The following EOGT variants were observed in gnomAD, a reference collection of about 807,000 sequenced individuals.
EOGT encodes the protein EGF domain specific O-linked N-acetylglucosamine transferase.
Under a neutral mutation model 70.5 loss-of-function variants are expected in EOGT, and 55 were observed. The observed-to-expected ratio is 0.78, with a 90% CI of 0.63 to 0.98. EOGT has a LOEUF of 0.98. EOGT is among the 50% of genes least tolerant of loss of function. The pLI, the probability that EOGT is intolerant of heterozygous loss-of-function variation, is 0.00. For missense variants in EOGT, 703 were observed against 641.9 expected (o/e 1.10, Z -1.03); for synonymous variants, 246 against 217.1 (o/e 1.13, Z -1.17).
chr3:69,006,682 G>GGAAA (rs1363617279), intron 6 of EOGT, among the ~76,000 whole-genome samples: 1 of 152,206 alleles, frequency 6.6e-6, no homozygotes, highest in African/African-American at 2.4e-5. Context: ...GAAAGCCTAA[G>GGAAA]TACCTTGTCT....
chr3:68,980,344 C>T (rs1246629438), intron 15 of EOGT, among the ~76,000 whole-genome samples: 2 of 152,176 alleles, frequency 1.3e-5, no homozygotes, highest in African/African-American at 4.8e-5. Flanking sequence ...CCAAAATGAT[C>T]TCAGATACCA....
chr3:68,984,498 A>G (rs17048257), intron 14 of EOGT, among the ~76,000 whole-genome samples: 1,797 of 152,224 alleles, frequency 0.012, 32 homozygotes, highest in East Asian at 0.053. Flanking sequence ...TTCAAACCCT[A>G]AAGTTGGGCA....
chr3:69,007,743 C>G lies in EOGT; in HGVS notation c.390G>C (p.Glu130Asp). The change falls in exon 6 of 18, where the codon GAG (glutamate) becomes GAC (aspartate). Residue 130 changes from glutamate (E) to aspartate (D), a missense_variant. Physicochemically the swap from Glu to Asp is conservative, Grantham distance 45 (BLOSUM62 2). Transcript: ENST00000383701. The stretch of plus-strand genomic sequence containing the variant: ...CCTTAGGCTGACAGAGCACATGCAT[C>G]TCCTCCAGCCTCTCTCTGGCATATC... ...DFGYARERLE[E>D]MHVLCQPKET... 6.2e-7 allele frequency: 1 copy of G among 1,612,602 alleles called. No homozygotes were observed. The highest frequency in any genetic ancestry group is 2.2e-5 in the East Asian group (1 of 44,720).
At chr3:69,005,936 G>T (rs1315814722) in intron 6 of EOGT, among the ~76,000 whole-genome samples, 1 of 152,168 alleles carries the variant, frequency 6.6e-6, no homozygotes, top group Non-Finnish European at 1.5e-5. Flanking sequence ...GACCTGCATG[G>T]TGTTTTGGAG....
Position 68,977,761 on chromosome 3 carries a change from G to A in EOGT, c.1441C>T (p.His481Tyr), listed in dbSNP as rs759007611. The change falls in exon 18 of 18, where the codon CAC becomes TAC. Residue 481 changes from histidine to tyrosine, a missense_variant. Coordinates refer to ENST00000383701, the MANE Select transcript of EOGT (RefSeq NM_001278689.2). ...GGGTGCTCCCCCAGGGTTGGATGGT[G>A]GCCCTGTGAAAATAAACCAAAACAC... ...QNKVFPQDKG[H>Y]HPTLGEHPKF... is the part of the protein sequence containing the mutation. The A allele has an allele frequency of 3.1e-6, 5 of 1,608,676 alleles. No individual in the cohort carries two copies. Among genetic ancestry groups the A allele is most frequent in the Non-Finnish European group, 4.2e-6 (5 of 1,178,082 alleles).
At chr3:68,989,402 G>T (rs181444589) in intron 10 of EOGT, among the ~76,000 whole-genome samples, 2 of 89,670 alleles carry the variant, frequency 2.2e-5, no homozygotes, top group East Asian at 2.6e-4. Context: ...AAACCATCAG[G>T]GTGAATGAAA....
intron 4 of EOGT, among the ~76,000 whole-genome samples, chr3:69,009,318 A>C (rs1482891990): frequency 6.6e-6 from 1 of 152,230 alleles, no homozygotes; most frequent in Non-Finnish European, 1.5e-5. Flanking sequence ...AAGAAAGAAG[A>C]GGTGTGAAAT....
intron 14 of EOGT, among the ~76,000 whole-genome samples, chr3:68,986,601 T>G (rs1032631058): frequency 6.6e-6 from 1 of 152,310 alleles, no homozygotes; most frequent in Non-Finnish European, 1.5e-5. Context: ...GCTCTCTCCC[T>G]TGCTAGATTC....
At chr3:69,004,306 C>A in intron 8 of EOGT, 72 bp downstream of exon 8, 1 of 1,105,782 alleles carries the variant, frequency 9.0e-7, no homozygotes, top group South Asian at 1.3e-5. Context: ...ATTTGAGAGT[C>A]TCCATTAATA....
intron 15 of EOGT, among the ~76,000 whole-genome samples, 170 bp from the exon 16 acceptor site, chr3:68,979,957 A>G (rs985900148): frequency 1.3e-5 from 2 of 152,244 alleles, no homozygotes; most frequent in East Asian, 1.9e-4. Flanking sequence ...CTAGTAATTA[A>G]TAAGTTTCTT....
At chr3:68,983,532 A>G (rs1236482020) in intron 14 of EOGT, among the ~76,000 whole-genome samples, 1 of 152,272 alleles carries the variant, frequency 6.6e-6, no homozygotes, top group Admixed American at 6.5e-5. Flanking sequence ...AATTTCTGCA[A>G]CTGTGTCATG....
At chr3:69,013,053 G>A (rs1041146679) in intron 1 of EOGT, among the ~76,000 whole-genome samples, 2 of 152,100 alleles carry the variant, frequency 1.3e-5, no homozygotes, top group African/African-American at 4.8e-5. Context: ...GCTGCCCCTT[G>A]AACGTCAGTC....
intron 15 of EOGT, among the ~76,000 whole-genome samples, chr3:68,981,123 G>C (rs1490895428): frequency 6.6e-6 from 1 of 152,150 alleles, no homozygotes; most frequent in Non-Finnish European, 1.5e-5. Flanking sequence ...GGGACTAGCT[G>C]GGCCAACTCA....
rs1236777874 is a variant in EOGT at position 68,977,541 on chromosome 3, T to C, written c.*77A>G. 2 of 1,477,960 alleles carry C rather than the reference T, an allele frequency of 1.4e-6. No individual in the cohort carries two copies. Among genetic ancestry groups the C allele is most frequent in the Non-Finnish European group, 1.9e-6 (2 of 1,070,574 alleles). 91.6% of individuals were successfully genotyped at this position (1,477,960 alleles called of 1,614,324 possible). On this transcript the variant is annotated 3_prime_UTR_variant, in exon 18 of 18. Coordinates refer to ENST00000383701, the MANE Select transcript of EOGT (RefSeq NM_001278689.2). ...TAATTCGGGGATAGGAAATAACAGA[T>C]TGCTTTACTGATTTAATTCTAAGTC...
In EOGT at chr3:69,008,313, A is replaced by G. The variant is rs2091488783; in HGVS notation, c.311+115T>C. 9 of 733,798 alleles carry G rather than the reference A, an allele frequency of 1.2e-5. No individual in the cohort carries two copies. In the South Asian group the frequency reaches 1.6e-4, roughly 13 times the overall value. 45.5% of individuals were successfully genotyped at this position (733,798 alleles called of 1,614,324 possible). A position where few individuals can be genotyped will look rare whatever the true frequency, so the allele number is the denominator to read the frequency against. ...AATTCATGACTGTGCAAGCAAATTA[A>G]TATCTAAATGAATTACTATCTAAAA... On this transcript the variant is annotated intron_variant, in intron 5 of 17. Coordinates refer to ENST00000383701, the MANE Select transcript of EOGT (RefSeq NM_001278689.2).
At chr3:69,011,869 G>A (rs1331826973) in intron 3 of EOGT, 67 bp downstream of exon 3, 2 of 152,078 alleles carry the variant, frequency 1.3e-5, no homozygotes, top group Non-Finnish European at 2.9e-5. Flanking sequence ...GTTGACAGCA[G>A]TTTTATAAAA....
intron 10 of EOGT, among the ~76,000 whole-genome samples, chr3:68,993,044 C>T (rs2091041314): frequency 6.6e-6 from 1 of 152,242 alleles, no homozygotes; most frequent in African/African-American, 2.4e-5. Flanking sequence ...GTCTCCAGGC[C>T]TGTGATGGGA....
intron 15 of EOGT, among the ~76,000 whole-genome samples, chr3:68,980,184 T>C (rs767026969): frequency 6.6e-6 from 1 of 152,204 alleles, no homozygotes; most frequent in Non-Finnish European, 1.5e-5. Flanking sequence ...TCTTTCTTCA[T>C]GAAAAAGAGA....
intron 14 of EOGT, among the ~76,000 whole-genome samples, chr3:68,986,361 C>T (rs1274539164): frequency 6.6e-6 from 1 of 152,140 alleles, no homozygotes; most frequent in Non-Finnish European, 1.5e-5. Context: ...AGACATTATT[C>T]TACCAACAAC....
Sources: allele counts gnomAD v4.1 joint callset (sites outside exome capture counted in the v4.1 genomes callset), GRCh38; gene constraint gnomAD v4.1.1; transcripts MANE v1.5; gene names NCBI Gene and HGNC (gene_info 2026-07-23, HGNC 2026-07-21).